The following PCDH9 variants were observed in gnomAD, a reference collection of about 807,000 sequenced individuals.
PCDH9 encodes protocadherin-9.
A neutral mutation model predicts 70.6 loss-of-function variants in PCDH9; 24 were observed. The observed-to-expected ratio is 0.34, with a 90% CI of 0.25 to 0.48. The LOEUF (loss-of-function observed/expected upper bound fraction) is 0.48. PCDH9 is among the 20% of genes least tolerant of loss of function. The probability of loss-of-function intolerance (pLI) is 0.99; values close to 1 mark genes in which losing one functional copy is unlikely to be tolerated. For missense variants in PCDH9, 1,281 were observed against 1,503.6 expected, an observed-to-expected ratio of 0.85 and a Z score of 2.45; for synonymous variants, 562 against 558.5, an observed-to-expected ratio of 1.01 and a Z score of -0.09.
At chr13:67,126,742 T>C (rs2086988758) in intron 2 of PCDH9, among the ~76,000 whole-genome samples, 1 of 152,004 alleles carries the variant, frequency 6.6e-6, no homozygotes, top group Admixed American at 6.6e-5. Flanking sequence ...CCTGGCTACT[T>C]GGGAGGCTGA....
At chr13:67,097,499 T>C (rs897862796) in intron 2 of PCDH9, among the ~76,000 whole-genome samples, 31 of 152,258 alleles carry the variant, frequency 2.0e-4, no homozygotes, top group African/African-American at 7.2e-4. Context: ...AAAAATACTT[T>C]AATTGTTAAG....
chr13:66,758,049 T>C (rs1176464817), intron 3 of PCDH9, among the ~76,000 whole-genome samples: 1 of 152,054 alleles, frequency 6.6e-6, no homozygotes, highest in Non-Finnish European at 1.5e-5. Context: ...TAAAGATAAG[T>C]AATACGCAAA....
At chr13:66,861,334 T>C (rs544359331) in intron 3 of PCDH9, among the ~76,000 whole-genome samples, 1 of 152,308 alleles carries the variant, frequency 6.6e-6, no homozygotes, top group East Asian at 1.9e-4. Flanking sequence ...ATTACCCTGA[T>C]TGCAGTGTCT....
chr13:67,087,301 GT>G (rs2086128538), intron 2 of PCDH9, among the ~76,000 whole-genome samples: 1 of 151,908 alleles, frequency 6.6e-6, no homozygotes, highest in African/African-American at 2.4e-5. Context: ...AGTCTTCTGA[GT>G]TTTAGGCCTT....
At chr13:66,619,622 G>T (rs1428548725) in intron 4 of PCDH9, among the ~76,000 whole-genome samples, 1 of 152,044 alleles carries the variant, frequency 6.6e-6, no homozygotes, top group African/African-American at 2.4e-5. Flanking sequence ...TGTAAATTAA[G>T]CCTGCATTAT....
chr13:67,122,459 C>T (rs927519088), intron 2 of PCDH9, among the ~76,000 whole-genome samples: 1 of 151,826 alleles, frequency 6.6e-6, no homozygotes, highest in Admixed American at 6.6e-5. Context: ...AGTTGAGGCT[C>T]AGTGTGAACT....
intron 4 of PCDH9, among the ~76,000 whole-genome samples, chr13:66,443,570 T>C (rs1227558323): frequency 1.3e-5 from 2 of 152,152 alleles, no homozygotes; most frequent in Non-Finnish European, 2.9e-5. Context: ...TTTTCATGTA[T>C]TTTTTTCAAC....
chr13:66,677,975 T>A (rs868610716), intron 3 of PCDH9, among the ~76,000 whole-genome samples: 36 of 152,294 alleles, frequency 2.4e-4, no homozygotes, highest in African/African-American at 8.4e-4. Context: ...CTGCTTGTTA[T>A]AAAAAACAAT....
chr13:66,606,970 A>T (rs1166623486), intron 4 of PCDH9, among the ~76,000 whole-genome samples: 1 of 152,138 alleles, frequency 6.6e-6, no homozygotes, highest in Non-Finnish European at 1.5e-5. Flanking sequence ...TGATTCAAAA[A>T]TAAAGTTATT....
chr13:67,022,271 C>T (rs980139450), intron 2 of PCDH9, among the ~76,000 whole-genome samples: 4 of 151,438 alleles, frequency 2.6e-5, no homozygotes, highest in African/African-American at 4.9e-5. Flanking sequence ...TACAGGTATG[C>T]ACCACCACGC....
intron 4 of PCDH9, among the ~76,000 whole-genome samples, chr13:66,310,598 G>A (rs775338703): frequency 1.1e-4 from 17 of 151,824 alleles, no homozygotes; most frequent in Non-Finnish European, 4.4e-5. Context: ...CTAGAAACTG[G>A]CATTTCTTTA....
chr13:66,789,250 A>G (rs955055375), intron 3 of PCDH9, among the ~76,000 whole-genome samples: 17 of 152,306 alleles, frequency 1.1e-4, no homozygotes, highest in African/African-American at 4.1e-4. Context: ...TGAGATGTGA[A>G]TCAATGTTTG....
intron 4 of PCDH9, among the ~76,000 whole-genome samples, chr13:66,493,029 A>G (rs1959057410): frequency 6.6e-6 from 1 of 152,174 alleles, no homozygotes. Context: ...ACTGCGATCT[A>G]GACTAGAATA....
chr13:67,206,585 A>C (rs2089353928), intron 2 of PCDH9: 1 of 152,224 alleles, frequency 6.6e-6, no homozygotes, highest in Non-Finnish European at 1.5e-5. Context: ...CTACTCTAGG[A>C]AAATGCTAAA....
intron 2 of PCDH9, chr13:67,224,674 T>C (rs1258578784): frequency 6.1e-6 from 2 of 327,006 alleles, no homozygotes; most frequent in Non-Finnish European, 4.4e-6. Context: ...TGAGAGAATA[T>C]TTACAATGGA....
rs1391396420 is a variant in PCDH9 at position 66,656,707 on chromosome 13, C to T, written c.3139-25296G>A. Among the ~76,000 whole-genome samples, 7 of 152,154 alleles carry T rather than the reference C, an allele frequency of 4.6e-5. No homozygotes were observed. The East Asian group carries it at 1.2e-3, about 25-fold the overall frequency. On this transcript the variant is annotated intron_variant, in intron 3 of 4. Transcript: ENST00000377865. ...AAGGAGCCGCTAAGAGTTAATACTC[C>T]TGTGAAAGTGCTTCATATTCACTAG...
chr13:66,837,462 C>T (rs561087799), intron 3 of PCDH9, among the ~76,000 whole-genome samples: 1 of 152,160 alleles, frequency 6.6e-6, no homozygotes, highest in African/African-American at 2.4e-5. Context: ...TCCAAAGACC[C>T]TGCCCACGAC....
chr13:66,948,545 T>A (rs1036425883), intron 2 of PCDH9, among the ~76,000 whole-genome samples: 1 of 150,208 alleles, frequency 6.7e-6, no homozygotes, highest in Non-Finnish European at 1.5e-5. Context: ...AAAAAAAAAA[T>A]AAGTATGGCA....
chr13:67,048,096 G>T (rs965930163), intron 2 of PCDH9, among the ~76,000 whole-genome samples: 2 of 152,092 alleles, frequency 1.3e-5, no homozygotes, highest in Non-Finnish European at 2.9e-5. Flanking sequence ...AAAAACCTAG[G>T]ACTCTAAACT....
Sources: allele counts gnomAD v4.1 joint callset (sites outside exome capture counted in the v4.1 genomes callset), GRCh38; gene constraint gnomAD v4.1.1; transcripts MANE v1.5; gene names NCBI Gene and HGNC (gene_info 2026-07-23, HGNC 2026-07-21).